Variants in AKT2 observed in about 807,000 individuals in gnomAD.
The protein encoded by AKT2 is AKT serine/threonine kinase 2, also known as RAC-beta serine/threonine-protein kinase.
Under a neutral mutation model 58.6 loss-of-function variants are expected in AKT2, and 16 were observed. That is an observed-to-expected ratio of 0.27 (90% CI 0.18 to 0.41). The LOEUF (loss-of-function observed/expected upper bound fraction) is 0.41, where lower values mean the gene tolerates loss of function less well. Among genes scored for constraint, AKT2 ranks in the 10% least tolerant of loss-of-function variants. AKT2 has a pLI of 1.00. For missense variants in AKT2, 438 were observed against 661.0 expected (o/e 0.66, Z 3.70); for synonymous variants, 253 against 254.0 (o/e 1.00, Z 0.04).
intron 4 of AKT2, among the ~76,000 whole-genome samples, chr19:40,249,518 C>T (rs1412272833): frequency 1.3e-5 from 2 of 152,200 alleles, no homozygotes; most frequent in African/African-American, 2.4e-5. Flanking sequence ...AGAAGCTCGG[C>T]GAAGCAGAGG....
rs529961714 is a variant in AKT2 at position 40,242,339 on chromosome 19, C to T, written c.441+195G>A. On this transcript the variant is annotated intron_variant, in intron 5 of 13. Coordinates refer to ENST00000392038, the MANE Select transcript of AKT2 (RefSeq NM_001626.6). This position sits in a 1 kb window ranked among gnomAD's most constrained non-coding sequence, Gnocchi z 4.3. ...AGGACGAACCTGCAGTGGGTCCACCCAAGGTTGCTCCCTCCCCTACGGGCA... is the reference window on the plus strand; with the variant it reads ...AGGACGAACCTGCAGTGGGTCCACCTAAGGTTGCTCCCTCCCCTACGGGCA... The T allele has an allele frequency of 3.1e-6, 3 of 966,696 alleles. No homozygotes were observed. The East Asian group carries it at 7.3e-5, about 24-fold the overall frequency. The allele number at this position is 966,696 out of a possible 1,614,324, so 59.9% of individuals were successfully genotyped here. A position where few individuals can be genotyped will look rare whatever the true frequency, so the allele number is the denominator to read the frequency against.
In AKT2 at chr19:40,236,089, C is replaced by A. The variant is rs980537301; in HGVS notation, c.976G>T (p.Asp326Tyr). Residue 326 changes from aspartate (D) to tyrosine (Y), a missense_variant, in exon 11 of 14, where the codon GAC becomes TAC. By Grantham distance (160) the Asp-to-Tyr change is radical (BLOSUM62 -3). Transcript: ENST00000392038. ...CACCAGTCCACGGCCCGGCCATAGTCATTGTCCTCCAGCACCTGAGGATGG... is the reference window on the plus strand; with the variant it reads ...CACCAGTCCACGGCCCGGCCATAGTAATTGTCCTCCAGCACCTGAGGATGG... ...YLAPEVLEDNDYGRAVDWWGL... is the reference protein window; with the variant it reads ...YLAPEVLEDNYYGRAVDWWGL... The A allele has an allele frequency of 6.2e-7, 1 of 1,614,124 alleles. No individual in the cohort carries two copies.
rs748694730 is a variant in AKT2, at chr19:40,233,697, C to T, written c.*175G>A. On this transcript the variant is annotated 3_prime_UTR_variant, in exon 14 of 14. Transcript: ENST00000392038. This position sits in a 1 kb window ranked among gnomAD's most constrained non-coding sequence, Gnocchi z 4.3. ...CAAAGGTGAGGCTGGAGGCTGGAGG[C>T]AGGGGCTGCAGGGGCCGCTGGGGTG... 1.3e-6 allele frequency: 1 copy of T among 759,350 alleles called. No individual in the cohort carries two copies. Among genetic ancestry groups the T allele is most frequent in the Non-Finnish European group, 2.3e-6 (1 of 426,592 alleles). The allele number at this position is 759,350 out of a possible 1,614,324, so 47.0% of individuals were successfully genotyped here. A position where few individuals can be genotyped will look rare whatever the true frequency, so the allele number is the denominator to read the frequency against.
rs942125954 is a variant in AKT2 at position 40,279,737 on chromosome 19, C to T, written c.-85+5444G>A. The stretch of plus-strand genomic sequence containing the variant: ...TGGGTGGGATCAGAAGTCACACTCA[C>T]CAGGGGCTACTGAGCTGTGGTGGGG... On this transcript the variant is annotated intron_variant, in intron 1 of 13. Transcript: ENST00000392038. 8.5e-5 allele frequency: 13 copies of T among 152,256 alleles called. 1 individual carries two copies. The highest frequency in any genetic ancestry group is 4.6e-4 in the Admixed American group (7 of 15,292). 9.4% of individuals were successfully genotyped at this position (152,256 alleles called of 1,614,324 possible). A position where few individuals can be genotyped will look rare whatever the true frequency, so the allele number is the denominator to read the frequency against.
chr19:40,242,091 G>GGGGC lies in AKT2; in HGVS notation c.442-26_442-23dup. ...TGGTCTGCCAGGGACAGGGAGAGTG[G>GGGGC]GGGCAGTCAGCGCCTGGCTCATGGC... On this transcript the variant is annotated intron_variant, in intron 5 of 13. Coordinates refer to ENST00000392038, the MANE Select transcript of AKT2 (RefSeq NM_001626.6). This position sits in a 1 kb window ranked among gnomAD's most constrained non-coding sequence, Gnocchi z 4.3. 1 of 1,614,054 alleles carries GGGGC rather than the reference G, an allele frequency of 6.2e-7. No individual in the cohort carries two copies. Among genetic ancestry groups the GGGGC allele is most frequent in the South Asian group, 1.1e-5 (1 of 91,080 alleles).
At position 40,241,978 on chromosome 19, in the gene AKT2, T is replaced by C; in HGVS notation, c.533A>G (p.Tyr178Cys). Residue 178 changes from tyrosine (Y) to cysteine (C), a missense_variant, in exon 6 of 14, where the codon TAC becomes TGC. This residue lies in a region of AKT2 where 244 missense variants were observed against 347.1 expected (regional missense o/e 0.70). Transcript: ENST00000392038. ...TTCCTTCCGCAGGATCTTCATGGCGTAGTAGCGGCCAGTGGCCTTCTCCCG... is the reference window on the plus strand; with the variant it reads ...TTCCTTCCGCAGGATCTTCATGGCGCAGTAGCGGCCAGTGGCCTTCTCCCG... Reference protein sequence around the residue: ...LVREKATGRYYAMKILRKEVI... With the variant: ...LVREKATGRYCAMKILRKEVI... 2 of 1,614,174 alleles carry C rather than the reference T, an allele frequency of 1.2e-6. No individual in the cohort carries two copies. The highest frequency in any genetic ancestry group is 1.7e-6 in the Non-Finnish European group (2 of 1,180,044).
intron 3 of AKT2, among the ~76,000 whole-genome samples, chr19:40,256,224 T>C (rs898416384): frequency 3.3e-5 from 5 of 152,088 alleles, no homozygotes; most frequent in African/African-American, 1.2e-4. Context: ...GGAAAAGGCT[T>C]CATGCAGAGC....
intron 2 of AKT2, among the ~76,000 whole-genome samples, chr19:40,257,336 A>C (rs1975610168): frequency 6.6e-6 from 1 of 152,188 alleles, no homozygotes; most frequent in Non-Finnish European, 1.5e-5. Context: ...GCGTGTGGCA[A>C]GGAGCAAGCT....
intron 2 of AKT2, among the ~76,000 whole-genome samples, chr19:40,258,245 G>GA (rs56202522): frequency 0.22 from 8,883 of 40,318 alleles, 1,076 homozygotes; most frequent in African/African-American, 0.37. Flanking sequence ...ACTCCGTCTC[G>GA]AAAAAAAAAA....
At position 40,235,543 on chromosome 19, in the gene AKT2, G is replaced by A. The variant is rs578063287; in HGVS notation, c.1176-193C>T. 9.6e-5 allele frequency: 64 copies of A among 665,284 alleles called. No homozygotes were observed. The highest frequency in any genetic ancestry group is 3.9e-4 in the African/African-American group (22 of 56,474). 41.2% of individuals were successfully genotyped at this position (665,284 alleles called of 1,614,324 possible). A position where few individuals can be genotyped will look rare whatever the true frequency, so the allele number is the denominator to read the frequency against. On this transcript the variant is annotated intron_variant, in intron 11 of 13. Transcript: ENST00000392038. This position sits in a 1 kb window ranked among gnomAD's most constrained non-coding sequence, Gnocchi z 6.3. ...GTCAGAGCCAGGGAGTCAGCAACCCGGACCCACGTGTCCTCACTGCCTGGC... is the reference window on the plus strand; with the variant it reads ...GTCAGAGCCAGGGAGTCAGCAACCCAGACCCACGTGTCCTCACTGCCTGGC...
intron 2 of AKT2, among the ~76,000 whole-genome samples, chr19:40,258,192 C>T (rs1017297069): frequency 7.3e-6 from 1 of 136,482 alleles, no homozygotes; most frequent in Non-Finnish European, 1.5e-5. Context: ...TGCCGTGAGC[C>T]GAGATCACAC....
At position 40,233,389 on chromosome 19, in the gene AKT2, T is replaced by G; in HGVS notation, c.*483A>C. 1 of 439,016 alleles carries G rather than the reference T, an allele frequency of 2.3e-6. No individual in the cohort carries two copies. The highest frequency in any genetic ancestry group is 4.3e-6 in the Non-Finnish European group (1 of 231,632). The allele number at this position is 439,016 out of a possible 1,614,324, so 27.2% of individuals were successfully genotyped here. ...CCATAGGGGGACAGCGGGTGGGGGA[T>G]TGGACCGCCCCGTGCCTGGCCACTC... On this transcript the variant is annotated 3_prime_UTR_variant, in exon 14 of 14. Coordinates refer to ENST00000392038, the MANE Select transcript of AKT2 (RefSeq NM_001626.6). The surrounding 1 kb of genome is among the most constrained non-coding windows in gnomAD (Gnocchi z 4.3).
At chr19:40,261,611 C>A (rs1000158024) in intron 2 of AKT2, among the ~76,000 whole-genome samples, 1 of 151,496 alleles carries the variant, frequency 6.6e-6, no homozygotes, top group Non-Finnish European at 1.5e-5. Flanking sequence ...GGACGTGTGA[C>A]AAGAAGATGC....
Position 40,256,231 on chromosome 19 carries a change from G to C in AKT2, c.175+695C>G, listed in dbSNP as rs571576357. ...AGCAATCAGGAAAAGGCTTCATGCA[G>C]AGCAGCGTGGGACGGGGACTGGGTT... On this transcript the variant is annotated intron_variant, in intron 3 of 13. Transcript: ENST00000392038. 2.0e-5 allele frequency among the ~76,000 whole-genome samples: 3 copies of C among 152,290 alleles called. No individual in the cohort carries two copies. The South Asian group carries it at 6.2e-4, about 32-fold the overall frequency.
At chr19:40,249,390 C>T (rs1974982162) in intron 4 of AKT2, among the ~76,000 whole-genome samples, 1 of 152,194 alleles carries the variant, frequency 6.6e-6, no homozygotes, top group African/African-American at 2.4e-5. Context: ...TGTTTACTTC[C>T]TCCTCTACAC....
Position 40,242,598 on chromosome 19 carries a change from G to T in AKT2, c.377C>A (p.Ser126Tyr). The change falls in exon 5 of 14, where the codon TCC becomes TAC. Residue 126 changes from serine to tyrosine, a missense_variant. Coordinates refer to ENST00000392038, the MANE Select transcript of AKT2 (RefSeq NM_001626.6). This position sits in a 1 kb window ranked among gnomAD's most constrained non-coding sequence, Gnocchi z 4.3. ...CTCAGTCGTGGAGGAGTCACTGGGG[G>T]AGCCACACTTGTAGTCCATGGGGTC... ...GEDPMDYKCG[S>Y]PSDSSTTEEM... 5.6e-6 allele frequency: 9 copies of T among 1,613,832 alleles called. No individual in the cohort carries two copies. The highest frequency in any genetic ancestry group is 7.6e-6 in the Non-Finnish European group (9 of 1,180,012).
At chr19:40,275,189 GC>G (rs1203427585) in intron 1 of AKT2, 3 of 456,778 alleles carry the variant, frequency 6.6e-6, no homozygotes, top group Non-Finnish European at 1.3e-5. Flanking sequence ...TTCTGCCTTT[GC>G]TCCCAAGAGA....
In AKT2 at chr19:40,251,007, G is replaced by A. The variant is rs888829140; in HGVS notation, c.287+4151C>T. Among the ~76,000 whole-genome samples the A allele has an allele frequency of 1.3e-5, 2 of 151,886 alleles. 1 individual carries two copies. Among genetic ancestry groups the A allele is most frequent in the South Asian group, 4.2e-4 (2 of 4,812 alleles). On this transcript the variant is annotated intron_variant, in intron 4 of 13. Transcript: ENST00000392038. ...TGCTTGAGACCAGGAGTTCCAGACC[G>A]GCCTGGACAACATAGCAAGACTCTG... is the stretch of plus-strand genomic sequence containing the variant.
Position 40,234,224 on chromosome 19 carries a change from C to CG in AKT2, c.1367-274_1367-273insC, listed in dbSNP as rs1973871195. Among the ~76,000 whole-genome samples the CG allele has an allele frequency of 6.6e-6, 1 of 152,198 alleles. No homozygotes were observed. Among genetic ancestry groups the CG allele is most frequent in the Non-Finnish European group, 1.5e-5 (1 of 68,014 alleles). ...CCTCCCACCTTCTCTCTGCCCCACA[C>CG]ACCACCATGCCAGAGTCCAGCCCAG... On this transcript the variant is annotated intron_variant, in intron 13 of 13. Coordinates refer to ENST00000392038, the MANE Select transcript of AKT2 (RefSeq NM_001626.6). This position sits in a 1 kb window ranked among gnomAD's most constrained non-coding sequence, Gnocchi z 4.7.
Sources: allele counts gnomAD v4.1 joint callset (sites outside exome capture counted in the v4.1 genomes callset), GRCh38; gene constraint gnomAD v4.1.1; regional missense constraint gnomAD v4.1.1; non-coding constraint Gnocchi (gnomAD v3.1); transcripts MANE v1.5; gene names NCBI Gene and HGNC (gene_info 2026-07-23, HGNC 2026-07-21).